Variants in MAP2K4 observed in about 807,000 individuals in gnomAD.
The protein encoded by MAP2K4 is dual specificity mitogen-activated protein kinase kinase 4.
In MAP2K4, 4 loss-of-function variants were observed where a neutral mutation model predicts 48.5. The observed-to-expected ratio is 0.08, with a 90% confidence interval of 0.04 to 0.19. The LOEUF (loss-of-function observed/expected upper bound fraction) is 0.19. Among genes scored for constraint, MAP2K4 ranks in the 10% least tolerant of loss-of-function variants. MAP2K4 has a pLI of 1.00. For missense variants in MAP2K4, 258 were observed against 493.3 expected, an observed-to-expected ratio of 0.52 and a Z score of 4.52; for synonymous variants, 166 against 173.1, an observed-to-expected ratio of 0.96 and a Z score of 0.32.
At chr17:12,096,384 C>G (rs2151563032) in intron 4 of MAP2K4, among the ~76,000 whole-genome samples, 1 of 152,214 alleles carries the variant, frequency 6.6e-6, no homozygotes, top group African/African-American at 2.4e-5. Flanking sequence ...TTACTCATTT[C>G]CAGTCATCCA....
intron 4 of MAP2K4, 35 bp from the exon 5 acceptor site, chr17:12,107,755 A>C (rs745940145): frequency 3.9e-6 from 6 of 1,526,540 alleles, no homozygotes; most frequent in Non-Finnish European, 5.3e-6. Flanking sequence ...GATATTTAAG[A>C]TGTATAAGAA....
intron 3 of MAP2K4, among the ~76,000 whole-genome samples, chr17:12,085,235 C>T (rs1198244832): frequency 6.6e-6 from 1 of 152,096 alleles, no homozygotes; most frequent in Non-Finnish European, 1.5e-5. Flanking sequence ...AAGTACCTGT[C>T]ACTAAAGATG....
At chr17:12,074,494 C>T (rs940782579) in intron 2 of MAP2K4, among the ~76,000 whole-genome samples, 12 of 152,276 alleles carry the variant, frequency 7.9e-5, no homozygotes, top group Admixed American at 3.9e-4. Flanking sequence ...CTTCTAACTA[C>T]TTTATTGGTT....
At chr17:12,027,808 C>A (rs1969306944) in intron 1 of MAP2K4, among the ~76,000 whole-genome samples, 1 of 151,912 alleles carries the variant, frequency 6.6e-6, no homozygotes. Context: ...GGGTGTGGAT[C>A]TCCAGGGCTG....
At chr17:12,054,766 G>T in intron 1 of MAP2K4, 123 bp from the exon 2 acceptor site, 1 of 553,048 alleles carries the variant, frequency 1.8e-6, no homozygotes, top group South Asian at 2.9e-5. Context: ...TCAAAATATT[G>T]TCCTATATTA....
chr17:12,117,645 A>C (rs1597485243), intron 7 of MAP2K4, among the ~76,000 whole-genome samples: 1 of 152,000 alleles, frequency 6.6e-6, no homozygotes. Context: ...GCTTAAAGTT[A>C]ATGTTGAAAA....
At chr17:12,063,662 A>G (rs541612938) in intron 2 of MAP2K4, among the ~76,000 whole-genome samples, 2 of 152,246 alleles carry the variant, frequency 1.3e-5, no homozygotes, top group Admixed American at 1.3e-4. Flanking sequence ...TCTGCTCATC[A>G]GAAGTTTTTT....
chr17:12,090,212 C>T (rs1971517923), intron 3 of MAP2K4, among the ~76,000 whole-genome samples: 1 of 152,070 alleles, frequency 6.6e-6, no homozygotes, highest in African/African-American at 2.4e-5. Context: ...ATACATTGTT[C>T]AAGAGCTTAA....
chr17:12,032,158 C>G (rs914027313), intron 1 of MAP2K4: 5 of 488,004 alleles, frequency 1.0e-5, no homozygotes, highest in African/African-American at 9.8e-5. Flanking sequence ...TTGACCTGTT[C>G]TTGAATTAGT....
At chr17:12,130,574 G>A (rs1972990232) in intron 9 of MAP2K4, among the ~76,000 whole-genome samples, 2 of 152,098 alleles carry the variant, frequency 1.3e-5, no homozygotes, top group South Asian at 4.1e-4. Context: ...TTCTGTATGT[G>A]TTGGTACTTG....
intron 1 of MAP2K4, among the ~76,000 whole-genome samples, chr17:12,035,023 A>C: frequency 6.6e-6 from 1 of 152,176 alleles, no homozygotes; most frequent in Non-Finnish European, 1.5e-5. Flanking sequence ...GACAGTATTT[A>C]TTTTTGTACT....
chr17:12,029,288 C>T (rs968994963), intron 1 of MAP2K4, among the ~76,000 whole-genome samples: 1 of 151,982 alleles, frequency 6.6e-6, no homozygotes, highest in African/African-American at 2.4e-5. Flanking sequence ...GCATTCTGTC[C>T]TATGCATTTT....
At chr17:12,092,004 T>C (rs758141129) in intron 3 of MAP2K4, among the ~76,000 whole-genome samples, 6 of 152,130 alleles carry the variant, frequency 3.9e-5, no homozygotes, top group Non-Finnish European at 7.4e-5. Context: ...TAAGCTAAGT[T>C]AGTAAAGTAG....
intron 1 of MAP2K4, among the ~76,000 whole-genome samples, chr17:12,023,454 A>AATCT (rs1969157250): frequency 6.6e-6 from 1 of 152,134 alleles, no homozygotes; most frequent in South Asian, 2.1e-4. Context: ...GCCTTAGAAG[A>AATCT]TGTTTGATGT....
intron 1 of MAP2K4, among the ~76,000 whole-genome samples, chr17:12,045,889 TTTGGA>T (rs1225454610): frequency 6.6e-6 from 1 of 152,218 alleles, no homozygotes; most frequent in Non-Finnish European, 1.5e-5. Flanking sequence ...ACAAATGCCC[TTTGGA>T]TTTGCCAGAG....
intron 3 of MAP2K4, among the ~76,000 whole-genome samples, chr17:12,082,921 A>G (rs1440536015): frequency 1.3e-5 from 2 of 152,212 alleles, no homozygotes; most frequent in Non-Finnish European, 2.9e-5. Context: ...GTGCCACTGC[A>G]GTGTAAGTGG....
At chr17:12,118,625 C>G (rs1443402739) in intron 7 of MAP2K4, among the ~76,000 whole-genome samples, 1 of 152,206 alleles carries the variant, frequency 6.6e-6, no homozygotes, top group South Asian at 2.1e-4. Context: ...CATGTACTTT[C>G]ACCCAAATGC....
At chr17:12,123,232 C>T (rs1972750186) in intron 7 of MAP2K4, among the ~76,000 whole-genome samples, 1 of 152,184 alleles carries the variant, frequency 6.6e-6, no homozygotes, top group African/African-American at 2.4e-5. Flanking sequence ...GTGAGCCCAT[C>T]TGGGTGTGGA....
intron 9 of MAP2K4, among the ~76,000 whole-genome samples, chr17:12,132,697 G>A (rs868226878): frequency 6.6e-6 from 1 of 152,100 alleles, no homozygotes. Context: ...GGAAATGGTC[G>A]ACTCGTGGGT....
Sources: allele counts gnomAD v4.1 joint callset (sites outside exome capture counted in the v4.1 genomes callset), GRCh38; gene constraint gnomAD v4.1.1; transcripts MANE v1.5; gene names NCBI Gene and HGNC (gene_info 2026-07-23, HGNC 2026-07-21).